MAL2: variants seen among roughly 807,000 people sequenced by gnomAD.
MAL2 encodes the protein mal, T cell differentiation protein 2, also known as protein MAL2.
A neutral mutation model predicts 18.1 loss-of-function variants in MAL2; 17 were observed. The ratio of observed to expected loss-of-function variants is 0.94; its 90% CI spans 0.64 to 1.41. The LOEUF (loss-of-function observed/expected upper bound fraction) is 1.41, where lower values mean the gene tolerates loss of function less well. MAL2 is among the 40% of genes most tolerant of loss of function. MAL2 has a pLI of 0.00. For synonymous variants in MAL2, 102 were observed against 102.3 expected (o/e 1.00, Z 0.02); for missense variants, 222 against 231.9 (o/e 0.96, Z 0.28).
chr8:119,237,132 A>G (rs1227900388), intron 2 of MAL2, among the ~76,000 whole-genome samples: 1 of 152,194 alleles, frequency 6.6e-6, no homozygotes, highest in Non-Finnish European at 1.5e-5. Context: ...CAGAAATACA[A>G]ACTGCCATCA....
At chr8:119,233,727 A>G (rs1442149032) in intron 2 of MAL2, among the ~76,000 whole-genome samples, 1 of 152,012 alleles carries the variant, frequency 6.6e-6, no homozygotes, top group Non-Finnish European at 1.5e-5. Context: ...ATGGATTCAC[A>G]GCCGAATTCT....
At chr8:119,233,090 T>A (rs1817771297) in intron 2 of MAL2, among the ~76,000 whole-genome samples, 1 of 152,090 alleles carries the variant, frequency 6.6e-6, no homozygotes, top group Admixed American at 6.6e-5. Context: ...CATAACAAAA[T>A]GAAGGTAGAA....
chr8:119,232,509 A>G (rs1000936943), intron 2 of MAL2, among the ~76,000 whole-genome samples: 4 of 152,166 alleles, frequency 2.6e-5, no homozygotes, highest in African/African-American at 7.2e-5. Flanking sequence ...TAATAGTGTT[A>G]TGCTTCACAT....
At chr8:119,232,296 A>G (rs1817749892) in intron 2 of MAL2, among the ~76,000 whole-genome samples, 1 of 152,140 alleles carries the variant, frequency 6.6e-6, no homozygotes, top group South Asian at 2.1e-4. Context: ...TTCTTCCTCC[A>G]AAAGTTAATA....
chr8:119,235,060 A>G (rs931254674), intron 2 of MAL2, among the ~76,000 whole-genome samples: 17 of 151,514 alleles, frequency 1.1e-4, no homozygotes, highest in African/African-American at 3.2e-4. Context: ...GAAAACTTTG[A>G]AAAAAATTTA....
At chr8:119,221,401 C>A (rs1003722714) in intron 1 of MAL2, 186 bp from the exon 2 acceptor site, 2 of 640,816 alleles carry the variant, frequency 3.1e-6, no homozygotes, top group Non-Finnish European at 2.7e-6. Context: ...GAGGATTGAT[C>A]TTGCACCTGA....
intron 1 of MAL2, among the ~76,000 whole-genome samples, chr8:119,212,785 G>A (rs1817286323): frequency 6.6e-6 from 1 of 152,130 alleles, no homozygotes. Context: ...GAAGGACAAT[G>A]GCAAGAACGT....
chr8:119,220,432 C>T (rs556916613), intron 1 of MAL2, among the ~76,000 whole-genome samples: 1 of 152,206 alleles, frequency 6.6e-6, no homozygotes, highest in South Asian at 2.1e-4. Flanking sequence ...GATGTGCTGC[C>T]TCACCATCCA....
chr8:119,228,957 G>A (rs1366189605), intron 2 of MAL2, among the ~76,000 whole-genome samples: 1 of 152,118 alleles, frequency 6.6e-6, no homozygotes, highest in African/African-American at 2.4e-5. Flanking sequence ...AACATTCAGA[G>A]GAAGCAGTGG....
intron 3 of MAL2, 81 bp downstream of exon 3, chr8:119,240,401 C>G: frequency 7.1e-7 from 1 of 1,416,110 alleles, no homozygotes; most frequent in Admixed American, 2.1e-5. Context: ...CCTCAGGCAA[C>G]AATAGTTTTC....
At chr8:119,225,635 A>C (rs1352951323) in intron 2 of MAL2, among the ~76,000 whole-genome samples, 1 of 152,224 alleles carries the variant, frequency 6.6e-6, no homozygotes, top group Non-Finnish European at 1.5e-5. Flanking sequence ...GTATATACCC[A>C]GTAATGGGAT....
Position 119,245,474 on chromosome 8 carries a change from A to C in MAL2, c.*1986A>C, listed in dbSNP as rs1281070291. On this transcript the variant is annotated 3_prime_UTR_variant, in exon 4 of 4. Transcript: ENST00000614891. Reference sequence around the variant, plus strand: ...GCCTAAGACACATCTGTGAATACTTAGATTTGTAGCTTAATCACATTCTAG... The same window carrying C: ...GCCTAAGACACATCTGTGAATACTTCGATTTGTAGCTTAATCACATTCTAG... 6.6e-6 allele frequency: 1 copy of C among 152,624 alleles called. No homozygotes were observed. The highest frequency in any genetic ancestry group is 1.5e-5 in the Non-Finnish European group (1 of 68,036). The allele number at this position is 152,624 out of a possible 1,614,324, so 9.5% of individuals were successfully genotyped here. A position where few individuals can be genotyped will look rare whatever the true frequency, so the allele number is the denominator to read the frequency against.
intron 1 of MAL2, among the ~76,000 whole-genome samples, chr8:119,213,472 CTG>C (rs1318034764): frequency 1.3e-5 from 2 of 152,178 alleles, no homozygotes; most frequent in Non-Finnish European, 2.9e-5. Context: ...GGTTTTAAAA[CTG>C]TAGGTATTTT....
chr8:119,243,539 A>G lies in MAL2; in HGVS notation c.*51A>G, dbSNP rs1238463838. On this transcript the variant is annotated 3_prime_UTR_variant, in exon 4 of 4. Transcript: ENST00000614891. ...TGTTAGTTTCACTTGTCTACTTTAT[A>G]TGTCTGATCAATTTGGATACCATTT... The G allele has an allele frequency of 2.7e-6, 4 of 1,470,604 alleles. No individual in the cohort carries two copies. Among genetic ancestry groups the G allele is most frequent in the Middle Eastern group, 1.7e-4 (1 of 5,756 alleles). The allele number at this position is 1,470,604 out of a possible 1,614,324, so 91.1% of individuals were successfully genotyped here.
intron 1 of MAL2, among the ~76,000 whole-genome samples, chr8:119,216,283 C>T (rs1817352732): frequency 6.6e-6 from 1 of 152,088 alleles, no homozygotes; most frequent in Admixed American, 6.5e-5. Flanking sequence ...TTAGAATGAA[C>T]ACTAAACCAT....
At position 119,230,381 on chromosome 8, in the gene MAL2, C is replaced by T. The variant is rs78761362; in HGVS notation, c.303+8624C>T. Reference sequence around the variant, plus strand: ...GGATTGGACAGGAAAGCCTTGAAACCACAATTTAATTCAGATACTTCTGAA... The same window carrying T: ...GGATTGGACAGGAAAGCCTTGAAACTACAATTTAATTCAGATACTTCTGAA... On this transcript the variant is annotated intron_variant, in intron 2 of 3. Transcript: ENST00000614891. Among the ~76,000 whole-genome samples, 1,220 of 150,778 alleles carry T rather than the reference C, an allele frequency of 8.1e-3. 14 individuals carry two copies. The highest frequency in any genetic ancestry group is 0.026 in the African/African-American group (1,073 of 40,880).
At position 119,244,036 on chromosome 8, in the gene MAL2, A is replaced by G. The variant is rs980307055; in HGVS notation, c.*548A>G. The G allele has an allele frequency of 2.6e-5, 4 of 152,162 alleles. No homozygotes were observed. The highest frequency in any genetic ancestry group is 6.6e-5 in the Admixed American group (1 of 15,258). The allele number at this position is 152,162 out of a possible 1,614,324, so 9.4% of individuals were successfully genotyped here. ...GTATAGCGTGAAAGCAGCTATACAC[A>G]ATACAGAAATGAATGAGTGTGGTTA... On this transcript the variant is annotated 3_prime_UTR_variant, in exon 4 of 4. Transcript: ENST00000614891.
At chr8:119,229,025 CTCTGACCATGGGTACT>C (rs1269171716) in intron 2 of MAL2, among the ~76,000 whole-genome samples, 3 of 152,160 alleles carry the variant, frequency 2.0e-5, no homozygotes, top group Non-Finnish European at 4.4e-5. Context: ...TGGCCACTTT[CTCTGACCATGGGTACT>C]CTGTTTATGT....
At chr8:119,212,327 T>C (rs191646821) in intron 1 of MAL2, among the ~76,000 whole-genome samples, 1 of 152,356 alleles carries the variant, frequency 6.6e-6, no homozygotes, top group East Asian at 1.9e-4. Context: ...AAACTACTTA[T>C]ATTCCCCAAG....
Sources: allele counts gnomAD v4.1 joint callset (sites outside exome capture counted in the v4.1 genomes callset), GRCh38; gene constraint gnomAD v4.1.1; transcripts MANE v1.5; gene names NCBI Gene and HGNC (gene_info 2026-07-23, HGNC 2026-07-21).